Variants in RSPH14 observed in about 807,000 individuals in gnomAD.
RSPH14 encodes the protein rhabdoid tumor deletion region gene 1.
Under a neutral mutation model 26.7 loss-of-function variants are expected in RSPH14, and 20 were observed. The observed-to-expected ratio is 0.75, with a 90% CI of 0.53 to 1.09. RSPH14 has a LOEUF of 1.09. Ranked by LOEUF, RSPH14 falls within the 50% of genes least tolerant of loss-of-function variation. The pLI is 0.00. For synonymous variants in RSPH14, 177 were observed against 189.3 expected (o/e 0.93, Z 0.53); for missense variants, 449 against 457.2 (o/e 0.98, Z 0.16).
chr22:23,088,268 C>T (rs2068869273), intron 4 of RSPH14, among the ~76,000 whole-genome samples: 1 of 152,218 alleles, frequency 6.6e-6, no homozygotes, highest in African/African-American at 2.4e-5. Flanking sequence ...AGTGCGTTTC[C>T]TCCTGCTGGT....
chr22:23,160,762 G>A, the RSPH14 span: 3 of 1,389,982 alleles, frequency 2.2e-6, no homozygotes, highest in Non-Finnish European at 3.0e-6. Flanking sequence ...CTGTCAGGGT[G>A]CTCTAGAAAG....
intron 4 of RSPH14, among the ~76,000 whole-genome samples, chr22:23,085,489 C>T (rs1329107204): frequency 2.0e-5 from 3 of 152,182 alleles, no homozygotes; most frequent in East Asian, 1.9e-4. Flanking sequence ...CCTGGGCGCA[C>T]GTGCTGGGTG....
intron 4 of RSPH14, among the ~76,000 whole-genome samples, chr22:23,119,996 G>A (rs1434428613): frequency 6.6e-6 from 1 of 152,214 alleles, no homozygotes; most frequent in South Asian, 2.1e-4. Flanking sequence ...GGAGTCCTGG[G>A]CACAAGCAGG....
chr22:23,180,565 C>CGAGGAGGCG, the RSPH14 span: 1 of 87,488 alleles, frequency 1.1e-5, no homozygotes, highest in East Asian at 2.6e-4. Context: ...GCTTAGCGTC[C>CGAGGAGGCG]GAGGAGGCGG....
intron 4 of RSPH14, among the ~76,000 whole-genome samples, chr22:23,086,022 T>G (rs2068810183): frequency 6.6e-6 from 1 of 152,248 alleles, no homozygotes; most frequent in Non-Finnish European, 1.5e-5. Flanking sequence ...GTCCCGCCCC[T>G]GGCTAGTGGC....
At chr22:23,146,813 G>A, upstream of RSPH14, 5 of 1,413,340 alleles carry the variant, frequency 3.5e-6, no homozygotes, top group Non-Finnish European at 4.6e-6. Context: ...GATTTACCTT[G>A]AGGAGCTGGG....
intron 4 of RSPH14, among the ~76,000 whole-genome samples, chr22:23,087,696 A>G (rs2068856499): frequency 6.6e-6 from 1 of 152,224 alleles, no homozygotes; most frequent in South Asian, 2.1e-4. Context: ...CTGATTGGTC[A>G]GAGATGAAAT....
At chr22:23,168,295 G>A in the RSPH14 span, among the ~76,000 whole-genome samples, 1 of 152,104 alleles carries the variant, frequency 6.6e-6, no homozygotes, top group Non-Finnish European at 1.5e-5. Flanking sequence ...GGCCCCCGGG[G>A]ATGCTGACAG....
At chr22:23,111,142 C>T (rs1022020626) in intron 4 of RSPH14, among the ~76,000 whole-genome samples, 1 of 152,218 alleles carries the variant, frequency 6.6e-6, no homozygotes, top group Non-Finnish European at 1.5e-5. Context: ...TGCTCTCACA[C>T]TGAGCCTCTG....
the RSPH14 span, among the ~76,000 whole-genome samples, chr22:23,169,453 C>G: frequency 6.6e-6 from 1 of 152,222 alleles, no homozygotes; most frequent in Non-Finnish European, 1.5e-5. Context: ...GGAAAAGGAG[C>G]AAGAAAGAAC....
chr22:23,152,786 C>T, the RSPH14 span, among the ~76,000 whole-genome samples: 2 of 152,158 alleles, frequency 1.3e-5, no homozygotes, highest in Non-Finnish European at 2.9e-5. Flanking sequence ...CCCTCCACTG[C>T]CCTCCCTGCA....
chr22:23,127,959 G>T (rs1368393499), intron 4 of RSPH14, among the ~76,000 whole-genome samples: 1 of 152,072 alleles, frequency 6.6e-6, no homozygotes, highest in Admixed American at 6.5e-5. Context: ...GGGCTGGGAG[G>T]GTCATCCATC....
At chr22:23,156,560 C>T in the RSPH14 span, among the ~76,000 whole-genome samples, 2 of 152,184 alleles carry the variant, frequency 1.3e-5, no homozygotes, top group African/African-American at 2.4e-5. Context: ...CTCCGGATGC[C>T]TACCCCACCT....
chr22:23,124,437 C>T (rs2070120312), intron 4 of RSPH14: 1 of 469,402 alleles, frequency 2.1e-6, no homozygotes, highest in Non-Finnish European at 4.4e-6. Context: ...CTGCGCCAGC[C>T]TCGCGGGACA....
the RSPH14 span, among the ~76,000 whole-genome samples, chr22:23,175,940 C>A: frequency 6.6e-6 from 1 of 152,250 alleles, no homozygotes; most frequent in African/African-American, 2.4e-5. Context: ...ATCTCCCTGG[C>A]CAGTCCCTTC....
At chr22:23,147,498 T>G (rs9612244), upstream of RSPH14, among the ~76,000 whole-genome samples, 35,157 of 151,952 alleles carry the variant, frequency 0.23, 4,577 homozygotes, top group East Asian at 0.35. Context: ...GCCTGGCTAA[T>G]TTTTAATTTT....
At chr22:23,118,473 C>T (rs966106919) in intron 4 of RSPH14, among the ~76,000 whole-genome samples, 3 of 149,616 alleles carry the variant, frequency 2.0e-5, no homozygotes, top group African/African-American at 4.9e-5. Flanking sequence ...CTCTTCCCCG[C>T]CCCGCCCCAC....
chr22:23,062,954 GCAAA>G (rs1390938415), intron 5 of RSPH14, among the ~76,000 whole-genome samples: 1 of 152,256 alleles, frequency 6.6e-6, no homozygotes, highest in Non-Finnish European at 1.5e-5. Flanking sequence ...GTTTAGGGCA[GCAAA>G]CAGAGGAAAG....
chr22:23,100,582 T>C (rs1052773732), intron 4 of RSPH14, among the ~76,000 whole-genome samples: 1 of 152,164 alleles, frequency 6.6e-6, no homozygotes, highest in African/African-American at 2.4e-5. Flanking sequence ...CCTGGGGCCA[T>C]TGGCTTCCTG....
Sources: gnomAD v4.1 joint callset for allele counts (sites outside exome capture counted in the v4.1 genomes callset) on GRCh38, gnomAD v4.1.1 for gene constraint, MANE v1.5 for transcripts, NCBI Gene and HGNC (gene_info 2026-07-23, HGNC 2026-07-21) for gene names.